Variants in MCTP2 observed in about 807,000 individuals in gnomAD.
The protein encoded by MCTP2 is multiple C2 and transmembrane domain-containing protein 2.
A neutral mutation model predicts 111.6 loss-of-function variants in MCTP2; 132 were observed. The ratio of observed to expected loss-of-function variants is 1.18; its 90% CI spans 1.03 to 1.37. The LOEUF is 1.37. Among genes scored for constraint, MCTP2 ranks in the 40% most tolerant of loss-of-function variants. The pLI, the probability that MCTP2 is intolerant of heterozygous loss-of-function variation, is 0.00. For missense variants in MCTP2, 1,183 were observed against 1,067.9 expected, an observed-to-expected ratio of 1.11 and a Z score of -1.50; for synonymous variants, 395 against 387.7, an observed-to-expected ratio of 1.02 and a Z score of -0.22.
In MCTP2 at chr15:94,447,621, C is replaced by T. The variant is rs544562055; in HGVS notation, c.2250+4661C>T. The stretch of plus-strand genomic sequence containing the variant: ...GAAACTCCTGGCCTCATGTGATCTG[C>T]CCACCATGGCCTCCCAAAGTTCTGG... On this transcript the variant is annotated intron_variant, in intron 19 of 22. Transcript: ENST00000357742. Among the ~76,000 whole-genome samples the T allele has an allele frequency of 8.2e-4, 119 of 144,266 alleles. 1 individual carries two copies. The Middle Eastern group carries it at 0.018, about 22-fold the overall frequency. 94.6% of individuals were successfully genotyped at this position (144,266 alleles called of 152,430 possible).
At chr15:94,407,775 GCACACACACACACACACACACACA>G (rs57851445) in intron 17 of MCTP2, among the ~76,000 whole-genome samples, 1 of 147,698 alleles carries the variant, frequency 6.8e-6, no homozygotes, top group Non-Finnish European at 1.5e-5. Flanking sequence ...ATGTACTTGT[GCACACACACACACACACACACACA>G]CACACACACA....
intron 14 of MCTP2, among the ~76,000 whole-genome samples, chr15:94,394,205 G>T (rs542295219): frequency 6.6e-6 from 1 of 151,950 alleles, no homozygotes. Context: ...TAAACTGGCT[G>T]TGTGATTTTT....
At chr15:94,323,575 T>G (rs11852581) in intron 4 of MCTP2, among the ~76,000 whole-genome samples, 123,850 of 151,976 alleles carry the variant, frequency 0.81, 50,746 homozygotes, top group East Asian at 0.93. Flanking sequence ...GCCTTGACAA[T>G]AGGAGGTCTG....
intron 2 of MCTP2, among the ~76,000 whole-genome samples, chr15:94,313,365 G>A (rs1049801307): frequency 1.3e-5 from 2 of 152,104 alleles, no homozygotes; most frequent in African/African-American, 4.8e-5. Context: ...AGGTGTCATT[G>A]CCCTGTGGAC....
At chr15:94,245,310 A>G (rs2071783862) in intron 1 of MCTP2, among the ~76,000 whole-genome samples, 3 of 142,536 alleles carry the variant, frequency 2.1e-5, no homozygotes, top group South Asian at 2.2e-4. Flanking sequence ...ATATACATAT[A>G]TGTACATATA....
intron 10 of MCTP2, among the ~76,000 whole-genome samples, chr15:94,359,955 G>T (rs2078835379): frequency 6.6e-6 from 1 of 152,142 alleles, no homozygotes; most frequent in Non-Finnish European, 1.5e-5. Context: ...GCATGGGACT[G>T]TCTGGCATGT....
intron 1 of MCTP2, among the ~76,000 whole-genome samples, chr15:94,236,433 CGTGA>C (rs1383153464): frequency 1.7e-5 from 2 of 116,892 alleles, no homozygotes; most frequent in African/African-American, 6.7e-5. Context: ...TGTCAAGCAG[CGTGA>C]GTAAGAATGT....
At chr15:94,395,340 C>CAGTTAG (rs1338750373) in intron 14 of MCTP2, among the ~76,000 whole-genome samples, 3 of 152,154 alleles carry the variant, frequency 2.0e-5, no homozygotes, top group Admixed American at 1.3e-4. Context: ...ACTGGAAGGT[C>CAGTTAG]AAACAATGGG....
chr15:94,289,324 TC>T (rs1247854647), intron 1 of MCTP2, among the ~76,000 whole-genome samples: 1 of 152,202 alleles, frequency 6.6e-6, no homozygotes, highest in African/African-American at 2.4e-5. Context: ...AAATGGCACA[TC>T]CGTTTTTCAA....
At chr15:94,403,103 G>C (rs541986783) in intron 17 of MCTP2, 50 of 986,440 alleles carry the variant, frequency 5.1e-5, no homozygotes, top group Admixed American at 4.9e-4. Flanking sequence ...TTGCCATTGG[G>C]GGGTATTTTG....
chr15:94,386,566 C>T (rs2152457671), intron 14 of MCTP2, among the ~76,000 whole-genome samples: 1 of 152,354 alleles, frequency 6.6e-6, no homozygotes, highest in South Asian at 2.1e-4. Context: ...ACGGCTGGCT[C>T]CTGCCACATG....
intron 4 of MCTP2, among the ~76,000 whole-genome samples, chr15:94,330,225 C>G (rs1211361593): frequency 6.6e-6 from 1 of 152,108 alleles, no homozygotes; most frequent in Non-Finnish European, 1.5e-5. Context: ...AGATCATTCC[C>G]ATGTTAATGT....
chr15:94,383,501 A>G (rs947308479), intron 12 of MCTP2, among the ~76,000 whole-genome samples: 1 of 152,194 alleles, frequency 6.6e-6, no homozygotes, highest in Non-Finnish European at 1.5e-5. Context: ...TGGGTAATTT[A>G]TAAAAGAGGG....
chr15:94,385,317 C>T (rs981152636), intron 13 of MCTP2, 106 bp from the exon 14 acceptor site: 1 of 742,900 alleles, frequency 1.3e-6, no homozygotes, highest in Non-Finnish European at 2.3e-6. Context: ...TAGGTTTATA[C>T]TCTAAGGACA....
At chr15:94,421,094 A>ATTT (rs776113477) in intron 17 of MCTP2, among the ~76,000 whole-genome samples, 72 of 143,118 alleles carry the variant, frequency 5.0e-4, no homozygotes, top group South Asian at 2.2e-3. Flanking sequence ...GGATGATAGT[A>ATTT]TTTTTTTTTT....
chr15:94,248,297 G>T (rs116839117), intron 1 of MCTP2, among the ~76,000 whole-genome samples: 1,954 of 152,206 alleles, frequency 0.013, 34 homozygotes, highest in African/African-American at 0.043. Context: ...CTCCTTATGC[G>T]AGGTTTCTAG....
chr15:94,310,245 A>ATATGG, intron 2 of MCTP2, among the ~76,000 whole-genome samples: 1 of 152,310 alleles, frequency 6.6e-6, no homozygotes, highest in East Asian at 1.9e-4. Context: ...CAATGATATG[A>ATATGG]TATTCTAGAA....
chr15:94,245,445 T>C lies in MCTP2; in HGVS notation c.-66+13781T>C, dbSNP rs370808654. ...GTGTGTATATATTTATATATACACA[T>C]ATATGTATATGTATTTATATACATA... is the stretch of plus-strand genomic sequence containing the variant. On this transcript the variant is annotated intron_variant, in intron 1 of 22. Transcript: ENST00000357742. 7.2e-5 allele frequency among the ~76,000 whole-genome samples: 10 copies of C among 138,322 alleles called. No individual in the cohort carries two copies. In the East Asian group the frequency reaches 8.3e-4, roughly 12 times the overall value. 90.7% of individuals were successfully genotyped at this position (138,322 alleles called of 152,430 possible).
chr15:94,443,047 CTTTTT>C lies in MCTP2; in HGVS notation c.2250+100_2250+104del, dbSNP rs529237554. ...CCTTCAGGTTGAGTCTCTCTCCTCT[CTTTTT>C]TTTTTTTTTTTTAATATGATAGAGT... On this transcript the variant is annotated intron_variant, in intron 19 of 22. Coordinates refer to ENST00000357742, the MANE Select transcript of MCTP2 (RefSeq NM_001385001.1). 8,735 of 575,436 alleles carry C rather than the reference CTTTTT, an allele frequency of 0.015. 471 individuals are homozygous for C. The African/African-American group carries it at 0.17, about 11-fold the overall frequency. The allele number at this position is 575,436 out of a possible 1,614,324, so 35.6% of individuals were successfully genotyped here.
Sources: gnomAD v4.1 joint callset for allele counts (sites outside exome capture counted in the v4.1 genomes callset) on GRCh38, gnomAD v4.1.1 for gene constraint, MANE v1.5 for transcripts, NCBI Gene and HGNC (gene_info 2026-07-23, HGNC 2026-07-21) for gene names.